Variants in CEP350 observed in about 807,000 individuals in gnomAD.
CEP350 encodes centrosome-associated protein 350.
CEP350 carries 126 observed loss-of-function variants against 331.8 expected under a neutral mutation model. The ratio of observed to expected loss-of-function variants is 0.38; its 90% CI spans 0.33 to 0.44. The LOEUF (loss-of-function observed/expected upper bound fraction) is 0.44, where lower values mean the gene tolerates loss of function less well. Ranked by LOEUF, CEP350 falls within the 20% of genes least tolerant of loss-of-function variation. The pLI, the probability that CEP350 is intolerant of heterozygous loss-of-function variation, is 1.00. For synonymous variants in CEP350, 1,200 were observed against 1,259.5 expected (o/e 0.95, Z 1.00); for missense variants, 3,406 against 3,634.6 (o/e 0.94, Z 1.62).
Position 180,073,713 on chromosome 1 carries a change from CTT to C in CEP350, c.5568-1308_5568-1307del. 2.5e-6 allele frequency: 3 copies of C among 1,204,450 alleles called. No homozygotes were observed. In the South Asian group the frequency reaches 4.0e-5, roughly 16 times the overall value. 74.6% of individuals were successfully genotyped at this position (1,204,450 alleles called of 1,614,324 possible). A position where few individuals can be genotyped will look rare whatever the true frequency, so the allele number is the denominator to read the frequency against. ...CATATTAAAAGTTCTTCACTCAGCT[CTT>C]ACGCTTTCCCTTTCTCATTCTTCCT... is the stretch of plus-strand genomic sequence containing the variant. On this transcript the variant is annotated intron_variant, in intron 27 of 37. Coordinates refer to ENST00000367607, the MANE Select transcript of CEP350 (RefSeq NM_014810.5).
At chr1:179,955,284 G>A (rs1650084186) in intron 1 of CEP350, 142 bp downstream of exon 1, 1 of 891,022 alleles carries the variant, frequency 1.1e-6, no homozygotes, top group Non-Finnish European at 1.4e-6. Context: ...CGTCCCCCTC[G>A]GGGAACCTCC....
intron 6 of CEP350, among the ~76,000 whole-genome samples, chr1:179,998,451 A>C (rs1465031553): frequency 2.0e-5 from 3 of 151,024 alleles, no homozygotes; most frequent in Non-Finnish European, 4.4e-5. Context: ...GATTACAGGC[A>C]CCCACCACCA....
chr1:180,085,067 C>G (rs1401292406), intron 31 of CEP350, among the ~76,000 whole-genome samples: 4 of 151,668 alleles, frequency 2.6e-5, no homozygotes, highest in African/African-American at 9.7e-5. Flanking sequence ...TTCCCTGTCC[C>G]CTTTTTTTCT....
At chr1:179,967,963 C>A (rs1190890093) in intron 1 of CEP350, among the ~76,000 whole-genome samples, 2 of 152,074 alleles carry the variant, frequency 1.3e-5, no homozygotes, top group African/African-American at 4.8e-5. Context: ...TGAGACTTAT[C>A]AATGGTACTG....
chr1:180,071,908 A>G (rs1431637745), intron 27 of CEP350, among the ~76,000 whole-genome samples: 6 of 152,246 alleles, frequency 3.9e-5, no homozygotes, highest in East Asian at 1.9e-4. Context: ...CGTTACCATC[A>G]GAGGACTTGT....
intron 1 of CEP350, among the ~76,000 whole-genome samples, chr1:179,983,804 C>T (rs543146371): frequency 4.3e-4 from 66 of 152,212 alleles, no homozygotes; most frequent in African/African-American, 1.4e-3. Flanking sequence ...AGGCAAATAA[C>T]TCATTAACTT....
At chr1:180,068,110 G>A (rs1271630458) in intron 27 of CEP350, among the ~76,000 whole-genome samples, 1 of 152,156 alleles carries the variant, frequency 6.6e-6, no homozygotes, top group African/African-American at 2.4e-5. Context: ...CTAGTTTTTA[G>A]TGGGAACCTT....
In CEP350 at chr1:180,087,561, G is replaced by C; in HGVS notation, c.6286-17G>C. The C allele has an allele frequency of 6.5e-7, 1 of 1,530,668 alleles. No homozygotes were observed. Among genetic ancestry groups the C allele is most frequent in the African/African-American group, 1.4e-5 (1 of 72,232 alleles). The allele number at this position is 1,530,668 out of a possible 1,614,324, so 94.8% of individuals were successfully genotyped here. ...AAAAATTCTGCCTAGTGACTCCTCTGGTTTTTCTAAACTTAGTCATATGAT... is the reference window on the plus strand; with the variant it reads ...AAAAATTCTGCCTAGTGACTCCTCTCGTTTTTCTAAACTTAGTCATATGAT... On this transcript the variant is annotated splice_polypyrimidine_tract_variant and intron_variant, in intron 31 of 37. Coordinates refer to ENST00000367607, the MANE Select transcript of CEP350 (RefSeq NM_014810.5).
At chr1:179,985,178 A>G (rs186961973) in intron 1 of CEP350, among the ~76,000 whole-genome samples, 49 of 152,282 alleles carry the variant, frequency 3.2e-4, no homozygotes, top group African/African-American at 1.1e-3. Flanking sequence ...CCAGCCCCTG[A>G]CAACCACCAT....
At chr1:180,080,860 C>CT (rs1015858927) in intron 30 of CEP350, among the ~76,000 whole-genome samples, 199 bp downstream of exon 30, 3 of 151,704 alleles carry the variant, frequency 2.0e-5, no homozygotes, top group African/African-American at 7.3e-5. Flanking sequence ...CAGTGTATTG[C>CT]TTTTTTTGTT....
chr1:179,982,864 C>T (rs1473437059), intron 1 of CEP350, among the ~76,000 whole-genome samples: 1 of 152,146 alleles, frequency 6.6e-6, no homozygotes, highest in Non-Finnish European at 1.5e-5. Flanking sequence ...GATCTTGGCT[C>T]ACTGCAACCT....
intron 8 of CEP350, among the ~76,000 whole-genome samples, chr1:180,009,089 A>C (rs1208554874): frequency 6.6e-6 from 1 of 152,232 alleles, no homozygotes; most frequent in Non-Finnish European, 1.5e-5. Context: ...GGCTCACTGT[A>C]ATCTCCGCCT....
intron 16 of CEP350, among the ~76,000 whole-genome samples, chr1:180,035,057 G>A (rs2148893059): frequency 6.6e-6 from 1 of 152,274 alleles, no homozygotes; most frequent in South Asian, 2.1e-4. Context: ...CAGATAAGAA[G>A]ACAAAATAGC....
At chr1:180,042,216 G>A (rs1279498302) in intron 19 of CEP350, among the ~76,000 whole-genome samples, 1 of 150,950 alleles carries the variant, frequency 6.6e-6, no homozygotes. Context: ...ATTTCCTCAT[G>A]TCTCTTTGCA....
rs200012940 is a variant in CEP350 at position 180,091,203 on chromosome 1, C to CG, written c.6508+414dup. Among the ~76,000 whole-genome samples the CG allele has an allele frequency of 4.3e-3, 648 of 150,260 alleles. 4 individuals are homozygous for CG. Among genetic ancestry groups the CG allele is most frequent in the African/African-American group, 0.015 (619 of 40,728 alleles). On this transcript the variant is annotated intron_variant, in intron 33 of 37. Coordinates refer to ENST00000367607, the MANE Select transcript of CEP350 (RefSeq NM_014810.5). ...TCATCTTTTTTTTTTTTTTAAGAGA[C>CG]GGGGGGGTCTCACCGTTGTTGCCCA... is the stretch of plus-strand genomic sequence containing the variant.
chr1:180,024,374 G>T (rs768714042), intron 13 of CEP350, 45 bp from the exon 14 acceptor site: 1 of 1,540,976 alleles, frequency 6.5e-7, no homozygotes, highest in African/African-American at 1.4e-5. Flanking sequence ...TAGCTGTGTT[G>T]TAAGACTTTT....
At chr1:180,025,747 G>A (rs1017499673) in intron 14 of CEP350, among the ~76,000 whole-genome samples, 4 of 152,046 alleles carry the variant, frequency 2.6e-5, no homozygotes, top group African/African-American at 7.2e-5. Flanking sequence ...GGGACCTGTC[G>A]GGGGGTTAGG....
At chr1:180,025,142 T>C (rs897335386) in intron 14 of CEP350, among the ~76,000 whole-genome samples, 2 of 152,136 alleles carry the variant, frequency 1.3e-5, no homozygotes, top group Non-Finnish European at 2.9e-5. Context: ...GCCAGGATGG[T>C]CTCGATCTCC....
chr1:180,029,764 A>G (rs1235263177), intron 14 of CEP350, among the ~76,000 whole-genome samples: 1 of 152,180 alleles, frequency 6.6e-6, no homozygotes, highest in Admixed American at 6.5e-5. Context: ...ATCACTATCT[A>G]TCTCCAGAAC....
Sources: allele counts gnomAD v4.1 joint callset (sites outside exome capture counted in the v4.1 genomes callset), GRCh38; gene constraint gnomAD v4.1.1; transcripts MANE v1.5; gene names NCBI Gene and HGNC (gene_info 2026-07-23, HGNC 2026-07-21).